The following PAX5 variants were observed in gnomAD, a reference collection of about 807,000 sequenced individuals.
PAX5 encodes the protein paired box protein Pax-5.
PAX5 carries 9 observed loss-of-function variants against 43.7 expected under a neutral mutation model. The observed-to-expected ratio is 0.21, with a 90% CI of 0.12 to 0.36. PAX5 has a LOEUF of 0.36. Ranked by LOEUF, PAX5 falls within the 10% of genes least tolerant of loss-of-function variation. PAX5 has a pLI of 1.00. For missense variants in PAX5, 383 were observed against 532.7 expected, an observed-to-expected ratio of 0.72 and a Z score of 2.77; for synonymous variants, 228 against 214.3, an observed-to-expected ratio of 1.06 and a Z score of -0.56.
At chr9:36,982,161 G>T (rs1835993128) in intron 5 of PAX5, among the ~76,000 whole-genome samples, 2 of 152,172 alleles carry the variant, frequency 1.3e-5, no homozygotes, top group African/African-American at 4.8e-5. Context: ...GCTACTGGGT[G>T]GCTGAGGCAG....
chr9:37,003,113 AG>A (rs1178457099), intron 4 of PAX5, among the ~76,000 whole-genome samples: 1 of 143,148 alleles, frequency 7.0e-6, no homozygotes, highest in Non-Finnish European at 1.5e-5. Context: ...GGGGATGGAG[AG>A]GAGAAAGAGG....
intron 8 of PAX5, among the ~76,000 whole-genome samples, chr9:36,850,884 G>A (rs536162573): frequency 4.9e-4 from 75 of 152,148 alleles, no homozygotes; most frequent in African/African-American, 1.5e-3. Flanking sequence ...AAGCAGTCCC[G>A]GGGAGAAAAC....
At chr9:36,859,580 C>T (rs992560861) in intron 8 of PAX5, among the ~76,000 whole-genome samples, 1 of 152,138 alleles carries the variant, frequency 6.6e-6, no homozygotes, top group Non-Finnish European at 1.5e-5. Context: ...TGGGATGTGC[C>T]CCCTCCTCCC....
chr9:36,987,936 G>A (rs1030911998), intron 5 of PAX5, among the ~76,000 whole-genome samples: 4 of 152,218 alleles, frequency 2.6e-5, no homozygotes, highest in Admixed American at 6.5e-5. Flanking sequence ...GTCCTTTTCA[G>A]AAAAGAGATG....
rs766694321 is a variant in PAX5, at chr9:36,840,604, C to G, written c.1132G>C (p.Gly378Arg). 6.3e-7 allele frequency: 1 copy of G among 1,581,388 alleles called. No individual in the cohort carries two copies. Among genetic ancestry groups the G allele is most frequent in the South Asian group, 1.2e-5 (1 of 86,208 alleles). ...GTGGCGGCTGCAGGTGGGGCGGCTC[C>G]TCGGGCGGCAGCGCTATAATAGTAG... Reference protein sequence around the residue: ...SPYYYSAAARGAAPPAAATAY... With the variant: ...SPYYYSAAARRAAPPAAATAY... Residue 378 changes from glycine to arginine, a missense_variant, in exon 10 of 10, where the codon GGA becomes CGA. Physicochemically the swap from Gly to Arg is moderately radical, Grantham distance 125. Coordinates refer to ENST00000358127, the MANE Select transcript of PAX5 (RefSeq NM_016734.3).
chr9:36,962,005 C>T (rs1018563586), intron 6 of PAX5, among the ~76,000 whole-genome samples: 12 of 152,210 alleles, frequency 7.9e-5, no homozygotes, highest in African/African-American at 2.9e-4. Flanking sequence ...CAGGGCAAAG[C>T]GTTTACTACA....
intron 1 of PAX5, among the ~76,000 whole-genome samples, chr9:37,029,478 C>G (rs1218728710): frequency 1.3e-5 from 2 of 152,196 alleles, no homozygotes; most frequent in East Asian, 3.8e-4. Context: ...GGAGTGGCGG[C>G]GTTATCTCTT....
At chr9:36,912,990 C>T (rs1368424580) in intron 7 of PAX5, among the ~76,000 whole-genome samples, 2 of 152,222 alleles carry the variant, frequency 1.3e-5, no homozygotes, top group Non-Finnish European at 2.9e-5. Context: ...AGACAGAAAC[C>T]TGTTCCTCTG....
chr9:36,892,758 T>G (rs1016418525), intron 7 of PAX5, among the ~76,000 whole-genome samples: 1 of 152,242 alleles, frequency 6.6e-6, no homozygotes, highest in African/African-American at 2.4e-5. Flanking sequence ...GATACTTGCC[T>G]GTGGTGGAAT....
intron 7 of PAX5, among the ~76,000 whole-genome samples, chr9:36,913,955 G>A (rs1829523485): frequency 6.6e-6 from 1 of 152,182 alleles, no homozygotes; most frequent in Non-Finnish European, 1.5e-5. Context: ...GATGAATGCC[G>A]TGTGGTGAAA....
Position 37,002,669 on chromosome 9 carries a change from T to C in PAX5, c.583A>G (p.Asn195Asp). 2 of 1,611,892 alleles carry C rather than the reference T, an allele frequency of 1.2e-6. No homozygotes were observed. The highest frequency in any genetic ancestry group is 1.7e-6 in the Non-Finnish European group (2 of 1,179,292). The change falls in exon 5 of 10, where the codon AAC becomes GAC. Residue 195 changes from asparagine to aspartate, a missense_variant. Transcript: ENST00000358127. ...TTACCTTCGTCTCTCTTGCGCTTGTTGGTGTCGGCGCTGGGGGACGTGATG... is the reference window on the plus strand; with the variant it reads ...TTACCTTCGTCTCTCTTGCGCTTGTCGGTGTCGGCGCTGGGGGACGTGATG... The part of the protein sequence containing the change: ...LGITSPSADT[N>D]KRKRDEGIQE...
intron 7 of PAX5, among the ~76,000 whole-genome samples, chr9:36,914,031 G>C (rs932170182): frequency 2.0e-5 from 3 of 152,154 alleles, no homozygotes; most frequent in Non-Finnish European, 2.9e-5. Context: ...GTTCTCAATG[G>C]GGTGGGTAAC....
intron 6 of PAX5, among the ~76,000 whole-genome samples, chr9:36,935,675 A>C (rs887152612): frequency 2.0e-5 from 3 of 152,162 alleles, no homozygotes; most frequent in African/African-American, 7.2e-5. Flanking sequence ...GTAAGCCCCA[A>C]ATCTCAGGGT....
rs527821930 is a variant in PAX5, at chr9:36,904,097, A to G, written c.910+19258T>C. The stretch of plus-strand genomic sequence containing the variant: ...TGAGGATGAGAAGAGTGACTCCCAC[A>G]AAGGGTTGTTATGCAGATTAGACAA... On this transcript the variant is annotated intron_variant, in intron 7 of 9. Coordinates refer to ENST00000358127, the MANE Select transcript of PAX5 (RefSeq NM_016734.3). Among the ~76,000 whole-genome samples, 9 of 152,356 alleles carry G rather than the reference A, an allele frequency of 5.9e-5. No individual in the cohort carries two copies. The South Asian group carries it at 8.3e-4, about 14-fold the overall frequency.
chr9:36,846,396 A>G (rs1822578092), intron 9 of PAX5, among the ~76,000 whole-genome samples: 1 of 152,120 alleles, frequency 6.6e-6, no homozygotes, highest in South Asian at 2.1e-4. Context: ...TCACTAATCA[A>G]TCACTGGGCA....
intron 7 of PAX5, among the ~76,000 whole-genome samples, chr9:36,891,130 C>G (rs1156725717): frequency 6.6e-6 from 1 of 152,144 alleles, no homozygotes; most frequent in Non-Finnish European, 1.5e-5. Flanking sequence ...CAGAGCGCAA[C>G]TTCATCTCCA....
chr9:37,032,990 G>A (rs76280723), intron 1 of PAX5, among the ~76,000 whole-genome samples: 1,596 of 152,340 alleles, frequency 0.01, 19 homozygotes, highest in Non-Finnish European at 0.018. Context: ...TAAAACCTGA[G>A]GACACAGTGT....
At chr9:36,868,939 G>C (rs1424579292) in intron 8 of PAX5, among the ~76,000 whole-genome samples, 1 of 152,176 alleles carries the variant, frequency 6.6e-6, no homozygotes, top group Non-Finnish European at 1.5e-5. Flanking sequence ...ATGCAGGTTG[G>C]GGGTGGGGAA....
intron 5 of PAX5, among the ~76,000 whole-genome samples, chr9:36,989,456 G>T (rs1794281513): frequency 6.6e-6 from 1 of 151,454 alleles, no homozygotes; most frequent in Admixed American, 6.6e-5. Flanking sequence ...ACCTGGTACA[G>T]TGGTTGTGAG....
Sources: allele counts gnomAD v4.1 joint callset (sites outside exome capture counted in the v4.1 genomes callset), GRCh38; gene constraint gnomAD v4.1.1; transcripts MANE v1.5; gene names NCBI Gene and HGNC (gene_info 2026-07-23, HGNC 2026-07-21).